Variants in ARL15 observed in about 807,000 individuals in gnomAD.
ARL15 encodes the protein ARF like GTPase 15, also known as ADP-ribosylation factor-like protein 15.
A neutral mutation model predicts 25.2 loss-of-function variants in ARL15; 19 were observed. The observed-to-expected ratio is 0.75, with a 90% confidence interval of 0.53 to 1.10. ARL15 has a LOEUF of 1.10. ARL15 is among the 50% of genes least tolerant of loss of function. The pLI is 0.00. For missense variants in ARL15, 220 were observed against 246.0 expected (o/e 0.89, Z 0.71); for synonymous variants, 94 against 86.8 (o/e 1.08, Z -0.46).
intron 4 of ARL15, among the ~76,000 whole-genome samples, chr5:53,923,103 G>A (rs1323386200): frequency 1.3e-5 from 2 of 152,172 alleles, no homozygotes; most frequent in African/African-American, 2.4e-5. Context: ...TCAAGTGACA[G>A]GGAACTTCAA....
intron 4 of ARL15, among the ~76,000 whole-genome samples, chr5:53,926,219 G>C (rs934776500): frequency 1.3e-5 from 2 of 152,100 alleles, no homozygotes; most frequent in Non-Finnish European, 2.9e-5. Flanking sequence ...TTCAGAGATT[G>C]CAGGAAGCCA....
intron 4 of ARL15, among the ~76,000 whole-genome samples, chr5:54,068,570 T>C (rs558545688): frequency 2.6e-5 from 4 of 152,196 alleles, no homozygotes; most frequent in Admixed American, 6.5e-5. Context: ...CCCAGTCCTG[T>C]AGAGTGACCA....
chr5:53,948,824 C>G (rs190652286), intron 4 of ARL15, among the ~76,000 whole-genome samples: 1 of 152,170 alleles, frequency 6.6e-6, no homozygotes, highest in Non-Finnish European at 1.5e-5. Context: ...TCAGAACTCA[C>G]TTCACTGAGA....
At chr5:54,074,164 G>T (rs537195852) in intron 4 of ARL15, among the ~76,000 whole-genome samples, 1 of 152,264 alleles carries the variant, frequency 6.6e-6, no homozygotes, top group Admixed American at 6.5e-5. Context: ...TGTTCAAATG[G>T]TGTGGGTGGT....
chr5:54,143,801 G>A (rs377504083), intron 3 of ARL15, among the ~76,000 whole-genome samples: 22 of 151,814 alleles, frequency 1.4e-4, no homozygotes, highest in East Asian at 1.2e-3. Flanking sequence ...CTCTTACTCC[G>A]TTCCCTAAGA....
chr5:53,900,766 T>C (rs1016703287), intron 4 of ARL15, among the ~76,000 whole-genome samples: 1 of 152,184 alleles, frequency 6.6e-6, no homozygotes, highest in African/African-American at 2.4e-5. Flanking sequence ...CATGGTTTCA[T>C]GAAGGAGGTG....
intron 1 of ARL15, among the ~76,000 whole-genome samples, chr5:54,202,875 GA>G (rs11340299): frequency 0.25 from 37,927 of 151,754 alleles, 5,219 homozygotes; most frequent in African/African-American, 0.35. Flanking sequence ...AAAATCAATA[GA>G]AAAAAGTCTT....
intron 4 of ARL15, chr5:54,048,172 T>C (rs1010408523): frequency 9.2e-5 from 14 of 151,926 alleles, no homozygotes; most frequent in Non-Finnish European, 2.1e-4. Context: ...GAGGTTACCA[T>C]ACTGATGCCA....
chr5:53,922,635 A>G lies in ARL15; in HGVS notation c.463-35922T>C, dbSNP rs546529842. 2.6e-5 allele frequency among the ~76,000 whole-genome samples: 4 copies of G among 152,324 alleles called. No individual in the cohort carries two copies. The South Asian group carries it at 6.2e-4, about 24-fold the overall frequency. ...GGTTGTGAAATTGTGGAGCAGCCCA[A>G]GAGGTCCCAGCGGGGAGGAAACAGG... On this transcript the variant is annotated intron_variant, in intron 4 of 4. Coordinates refer to ENST00000504924, the MANE Select transcript of ARL15 (RefSeq NM_019087.3).
chr5:54,072,534 G>A (rs981801694), intron 4 of ARL15, among the ~76,000 whole-genome samples: 11 of 152,270 alleles, frequency 7.2e-5, no homozygotes, highest in Middle Eastern at 3.4e-3. Flanking sequence ...AGATATTTAA[G>A]TATCAATTTA....
At chr5:54,108,263 A>G (rs1412351391) in intron 4 of ARL15, among the ~76,000 whole-genome samples, 1 of 152,108 alleles carries the variant, frequency 6.6e-6, no homozygotes, top group Non-Finnish European at 1.5e-5. Flanking sequence ...ATTTAATTGT[A>G]ACAGCGTGCA....
chr5:54,096,901 C>T (rs1265775996), intron 4 of ARL15, among the ~76,000 whole-genome samples: 1 of 152,094 alleles, frequency 6.6e-6, no homozygotes, highest in Non-Finnish European at 1.5e-5. Flanking sequence ...TAATGTTGAA[C>T]AAAATTCTTT....
chr5:53,889,292 ATATT>A (rs1177479041), intron 4 of ARL15, among the ~76,000 whole-genome samples: 1 of 152,228 alleles, frequency 6.6e-6, no homozygotes. Context: ...GTAATATGTG[ATATT>A]TTACAATACC....
rs559211717 is a variant in ARL15, at chr5:54,177,580, G to C, written c.49-5652C>G. Among the ~76,000 whole-genome samples, 25 of 152,292 alleles carry C rather than the reference G, an allele frequency of 1.6e-4. No individual in the cohort carries two copies. In the East Asian group the frequency reaches 4.6e-3, roughly 28 times the overall value. On this transcript the variant is annotated intron_variant, in intron 1 of 4. Transcript: ENST00000504924. Reference sequence around the variant, plus strand: ...AAATAAGGTATTTATTTCCCCAACAGTGCCAGACATTTTGTAGGTCTAGCA... The same window carrying C: ...AAATAAGGTATTTATTTCCCCAACACTGCCAGACATTTTGTAGGTCTAGCA...
At chr5:53,895,846 C>G (rs1744854305) in intron 4 of ARL15, among the ~76,000 whole-genome samples, 1 of 152,026 alleles carries the variant, frequency 6.6e-6, no homozygotes, top group Non-Finnish European at 1.5e-5. Context: ...GTTTAACAAT[C>G]AAAACATCCC....
chr5:54,029,580 C>T (rs911108856), intron 4 of ARL15, among the ~76,000 whole-genome samples: 15 of 152,066 alleles, frequency 9.9e-5, no homozygotes, highest in East Asian at 7.7e-4. Flanking sequence ...GAAAGTAGGC[C>T]GGGCATGGTG....
chr5:54,174,448 T>C (rs2112409637), intron 1 of ARL15, among the ~76,000 whole-genome samples: 1 of 152,264 alleles, frequency 6.6e-6, no homozygotes, highest in South Asian at 2.1e-4. Context: ...TTTCCTCTGT[T>C]CTCAAGAGGT....
intron 4 of ARL15, among the ~76,000 whole-genome samples, chr5:54,011,730 G>A (rs1749247863): frequency 6.6e-6 from 1 of 152,128 alleles, no homozygotes; most frequent in Admixed American, 6.6e-5. Flanking sequence ...GAGCATAAGG[G>A]CCGGGTGTTG....
Position 54,112,279 on chromosome 5 carries a change from A to C in ARL15, c.462+923T>G, listed in dbSNP as rs368895311. Among the ~76,000 whole-genome samples, 3 of 152,242 alleles carry C rather than the reference A, an allele frequency of 2.0e-5. No homozygotes were observed. In the East Asian group the frequency reaches 5.8e-4, roughly 29 times the overall value. ...TCATTTTAGAGGTGAGAAGCCAGGC[A>C]CAAGAATAGGCTATCTGCCGTGGGT... On this transcript the variant is annotated intron_variant, in intron 4 of 4. Coordinates refer to ENST00000504924, the MANE Select transcript of ARL15 (RefSeq NM_019087.3).
Sources: gnomAD v4.1 joint callset for allele counts (sites outside exome capture counted in the v4.1 genomes callset) on GRCh38, gnomAD v4.1.1 for gene constraint, MANE v1.5 for transcripts, NCBI Gene and HGNC (gene_info 2026-07-23, HGNC 2026-07-21) for gene names.